CLASP1: variants seen among roughly 807,000 people sequenced by gnomAD.
CLASP1 encodes the protein cytoplasmic linker associated protein 1, also known as CLIP-associating protein 1.
Under a neutral mutation model 192.3 loss-of-function variants are expected in CLASP1, and 38 were observed. That is an observed-to-expected ratio of 0.20 (90% confidence interval 0.15 to 0.26). The LOEUF is 0.26. Among genes scored for constraint, CLASP1 ranks in the 10% least tolerant of loss-of-function variants. The pLI is 1.00. For synonymous variants in CLASP1, 691 were observed against 712.8 expected, an observed-to-expected ratio of 0.97 and a Z score of 0.49; for missense variants, 1,433 against 1,932.5, an observed-to-expected ratio of 0.74 and a Z score of 4.85.
chr2:121,348,854 A>G (rs2063809693), intron 37 of CLASP1, 136 bp from the exon 39 acceptor site: 2 of 788,174 alleles, frequency 2.5e-6, no homozygotes, highest in Admixed American at 2.9e-5. Context: ...GCCTGGCTCA[A>G]TTGTTAAACA....
chr2:121,596,449 A>C (rs1175824393), intron 2 of CLASP1, among the ~76,000 whole-genome samples: 1 of 152,256 alleles, frequency 6.6e-6, no homozygotes, highest in Admixed American at 6.5e-5. Context: ...CTCTCCTCTC[A>C]AGGACACAAG....
chr2:121,623,225 G>T (rs920802015), intron 1 of CLASP1, among the ~76,000 whole-genome samples: 2 of 152,086 alleles, frequency 1.3e-5, no homozygotes, highest in Admixed American at 1.3e-4. Flanking sequence ...TTTCTAATTT[G>T]TTGAATGTTT....
At chr2:121,646,002 G>A (rs1009314029) in intron 1 of CLASP1, among the ~76,000 whole-genome samples, 1 of 152,128 alleles carries the variant, frequency 6.6e-6, no homozygotes, top group Admixed American at 6.6e-5. Flanking sequence ...GCTGGCAATG[G>A]GTAAAAAAGT....
intron 23 of CLASP1, among the ~76,000 whole-genome samples, chr2:121,416,995 AC>A (rs991097730): frequency 2.6e-5 from 4 of 152,222 alleles, no homozygotes; most frequent in Non-Finnish European, 4.4e-5. Flanking sequence ...AAAGCATGAT[AC>A]AAAAATTTTA....
chr2:121,397,008 A>G (rs1313663832), intron 30 of CLASP1, 132 bp downstream of exon 31: 1 of 804,200 alleles, frequency 1.2e-6, no homozygotes, highest in Non-Finnish European at 2.0e-6. Flanking sequence ...CTGGAGAGAG[A>G]AAAGGGCAAC....
chr2:121,340,894 G>A (rs1468227302), exon 40 of CLASP1: 2 of 1,612,240 alleles, frequency 1.2e-6, no homozygotes, highest in East Asian at 2.2e-5. Flanking sequence ...AGGAGGAGCT[G>A]CTGTTGCTGT....
At position 121,377,392 on chromosome 2, in the gene CLASP1, G is replaced by A. The variant is rs2149324368; in HGVS notation, c.3642+107C>T. 11 of 774,900 alleles carry A rather than the reference G, an allele frequency of 1.4e-5. No individual in the cohort carries two copies. In the South Asian group the frequency reaches 2.3e-4, roughly 16 times the overall value. 48.0% of individuals were successfully genotyped at this position (774,900 alleles called of 1,614,324 possible). Reference sequence around the variant, plus strand: ...AAGGAAAACATTATTTTAACTACAGGATAAAAATAATGATGAAGCTCAGTA... The same window carrying A: ...AAGGAAAACATTATTTTAACTACAGAATAAAAATAATGATGAAGCTCAGTA... On this transcript the variant is annotated intron_variant, in intron 34 of 39. Transcript: ENST00000263710.
intron 7 of CLASP1, among the ~76,000 whole-genome samples, chr2:121,512,583 C>T (rs543833798): frequency 3.7e-4 from 57 of 152,280 alleles, no homozygotes; most frequent in African/African-American, 1.1e-3. Context: ...TAACTACCTC[C>T]ACTTTATTAT....
intron 37 of CLASP1, among the ~76,000 whole-genome samples, chr2:121,355,088 T>C (rs1188484060): frequency 1.3e-5 from 2 of 152,180 alleles, no homozygotes; most frequent in South Asian, 2.1e-4. Context: ...GAGCCCTTCA[T>C]CTTACAAAAA....
chr2:121,341,989 G>C (rs987238900), intron 39 of CLASP1, among the ~76,000 whole-genome samples: 1 of 151,012 alleles, frequency 6.6e-6, no homozygotes, highest in Non-Finnish European at 1.5e-5. Flanking sequence ...AACCATAATG[G>C]GATGAAATAA....
chr2:121,520,975 T>C (rs1247834074), intron 6 of CLASP1, among the ~76,000 whole-genome samples: 1 of 151,970 alleles, frequency 6.6e-6, no homozygotes, highest in Non-Finnish European at 1.5e-5. Flanking sequence ...CAATGAAACA[T>C]GAGGGGAATC....
At chr2:121,445,503 G>T (rs989237346) in intron 19 of CLASP1, 2 of 1,287,278 alleles carry the variant, frequency 1.6e-6, no homozygotes, top group African/African-American at 3.0e-5. Context: ...GACTCTAGAA[G>T]TTTGGAAAAG....
chr2:121,603,718 A>C (rs965552604), intron 2 of CLASP1, among the ~76,000 whole-genome samples: 1 of 152,248 alleles, frequency 6.6e-6, no homozygotes, highest in Admixed American at 6.5e-5. Flanking sequence ...GGTATATTCA[A>C]TGGAATATTA....
At chr2:121,608,755 A>T (rs545866542) in intron 1 of CLASP1, among the ~76,000 whole-genome samples, 1 of 152,320 alleles carries the variant, frequency 6.6e-6, no homozygotes, top group East Asian at 1.9e-4. Context: ...AGCAATAGAT[A>T]ACTGATATAC....
At chr2:121,531,341 A>G (rs968078274) in intron 2 of CLASP1, among the ~76,000 whole-genome samples, 1 of 152,132 alleles carries the variant, frequency 6.6e-6, no homozygotes, top group Non-Finnish European at 1.5e-5. Flanking sequence ...CACGCCTGCA[A>G]TCCCAGCACT....
chr2:121,630,767 G>A (rs1185526351), intron 1 of CLASP1, among the ~76,000 whole-genome samples: 1 of 151,870 alleles, frequency 6.6e-6, no homozygotes, highest in Non-Finnish European at 1.5e-5. Context: ...AAAAGGCTGA[G>A]GCAGGAGAAT....
chr2:121,627,993 C>A (rs1008178855), intron 1 of CLASP1, among the ~76,000 whole-genome samples: 1 of 152,054 alleles, frequency 6.6e-6, no homozygotes, highest in Admixed American at 6.6e-5. Flanking sequence ...AATTTCATAC[C>A]CTGTCCACCA....
chr2:121,402,713 A>G lies in CLASP1; in HGVS notation c.2734-843T>C, dbSNP rs539959507. The G allele has an allele frequency of 3.0e-4, 154 of 511,606 alleles. 1 individual carries two copies. Among genetic ancestry groups the G allele is most frequent in the Admixed American group, 6.0e-4 (30 of 50,090 alleles). 31.7% of individuals were successfully genotyped at this position (511,606 alleles called of 1,614,324 possible). On this transcript the variant is annotated intron_variant, in intron 26 of 39. Transcript: ENST00000263710. ...TTATCAGTGTTCTAAACCATCTAAT[A>G]GTGTTCACGTTATAAATCTTAAGAA...
intron 2 of CLASP1, among the ~76,000 whole-genome samples, chr2:121,560,787 T>C (rs1191785019): frequency 2.6e-5 from 4 of 152,238 alleles, no homozygotes; most frequent in Admixed American, 2.0e-4. Context: ...CAAGCTAGAG[T>C]GCAGTGGCGC....
Sources: allele counts gnomAD v4.1 joint callset (sites outside exome capture counted in the v4.1 genomes callset), GRCh38; gene constraint gnomAD v4.1.1; transcripts MANE v1.5; gene names NCBI Gene and HGNC (gene_info 2026-07-23, HGNC 2026-07-21).